The following SCEL variants were observed in gnomAD, a reference collection of about 807,000 sequenced individuals.
SCEL encodes the protein sciellin.
Under a neutral mutation model 117.6 loss-of-function variants are expected in SCEL, and 113 were observed. That is an observed-to-expected ratio of 0.96 (90% CI 0.83 to 1.12). The LOEUF is 1.12. Among genes scored for constraint, SCEL ranks in the 50% most tolerant of loss-of-function variants. The probability of loss-of-function intolerance (pLI) is 0.00; values close to 1 mark genes in which losing one functional copy is unlikely to be tolerated. For missense variants in SCEL, 785 were observed against 810.8 expected (o/e 0.97, Z 0.39); for synonymous variants, 270 against 256.2 (o/e 1.05, Z -0.51).
At chr13:77,549,415 A>G (rs1432499969) in intron 1 of SCEL, among the ~76,000 whole-genome samples, 3 of 152,230 alleles carry the variant, frequency 2.0e-5, no homozygotes, top group African/African-American at 4.8e-5. Context: ...ACACTACCCA[A>G]TGGTTACATG....
intron 12 of SCEL, among the ~76,000 whole-genome samples, chr13:77,595,972 G>T (rs962070109): frequency 1.3e-5 from 2 of 148,462 alleles, no homozygotes; most frequent in African/African-American, 5.0e-5. Context: ...CTTAGCAATT[G>T]CATCTCTCTC....
intron 1 of SCEL, among the ~76,000 whole-genome samples, chr13:77,536,313 C>T (rs551184898): frequency 4.6e-5 from 7 of 152,192 alleles, no homozygotes; most frequent in Admixed American, 1.3e-4. Context: ...AGTTGCTGAG[C>T]TATGAGAGAG....
chr13:77,638,603 C>A (rs1385864510), intron 30 of SCEL, among the ~76,000 whole-genome samples: 1 of 152,200 alleles, frequency 6.6e-6, no homozygotes, highest in African/African-American at 2.4e-5. Context: ...GAAGTCAGTT[C>A]TCCATGAGAC....
intron 20 of SCEL, 91 bp from the exon 21 acceptor site, chr13:77,608,967 T>G (rs1169738140): frequency 9.5e-7 from 1 of 1,050,760 alleles, no homozygotes; most frequent in East Asian, 2.7e-5. Context: ...GTAGTAAAAT[T>G]TATCTTGAGT....
chr13:77,637,848 T>G (rs747213475), intron 30 of SCEL, among the ~76,000 whole-genome samples: 5 of 152,206 alleles, frequency 3.3e-5, no homozygotes, highest in Non-Finnish European at 7.3e-5. Flanking sequence ...ATTGATTGAG[T>G]GCTGGTGAGC....
intron 28 of SCEL, among the ~76,000 whole-genome samples, chr13:77,631,001 C>T (rs1023510435): frequency 2.4e-4 from 36 of 152,148 alleles, no homozygotes; most frequent in Admixed American, 2.4e-3. Context: ...ATCAGAATCA[C>T]CTGCTATTCT....
intron 1 of SCEL, among the ~76,000 whole-genome samples, chr13:77,546,321 A>G (rs1222765920): frequency 1.3e-5 from 2 of 152,184 alleles, no homozygotes; most frequent in Non-Finnish European, 2.9e-5. Context: ...CACTTACTGA[A>G]AAGAGCTCTG....
chr13:77,639,757 A>G (rs1367755616), intron 30 of SCEL, among the ~76,000 whole-genome samples: 2 of 152,186 alleles, frequency 1.3e-5, no homozygotes, highest in African/African-American at 4.8e-5. Flanking sequence ...TGCACTTCAT[A>G]TATCATATAA....
At chr13:77,624,437 T>C (rs1251841775) in intron 27 of SCEL, among the ~76,000 whole-genome samples, 1 of 152,166 alleles carries the variant, frequency 6.6e-6, no homozygotes, top group African/African-American at 2.4e-5. Context: ...CCTCACTTTG[T>C]CTTCCCTCTG....
At chr13:77,605,637 T>C (rs2088105865) in intron 19 of SCEL, among the ~76,000 whole-genome samples, 1 of 152,188 alleles carries the variant, frequency 6.6e-6, no homozygotes, top group Non-Finnish European at 1.5e-5. Context: ...TATATTTTCA[T>C]CATAATTTAG....
At chr13:77,550,804 T>G (rs1262119533) in intron 1 of SCEL, among the ~76,000 whole-genome samples, 2 of 152,232 alleles carry the variant, frequency 1.3e-5, no homozygotes, top group African/African-American at 4.8e-5. Flanking sequence ...TTGGCTGTTA[T>G]GTGCTACCAT....
At chr13:77,583,446 C>G (rs1001935395) in intron 9 of SCEL, among the ~76,000 whole-genome samples, 5 of 152,204 alleles carry the variant, frequency 3.3e-5, no homozygotes, top group African/African-American at 1.2e-4. Context: ...ATTCTCCAAG[C>G]TCTTCGAAGG....
Position 77,567,864 on chromosome 13 carries a change from T to C in SCEL, c.359+116T>C, listed in dbSNP as rs960752078. The stretch of plus-strand genomic sequence containing the variant: ...TATCTTTCTGTAAATTCTTAGTCTC[T>C]ATCATTACTCCTGTTCATGGCTAGA... On this transcript the variant is annotated intron_variant, in intron 6 of 32. Coordinates refer to ENST00000349847, the MANE Select transcript of SCEL (RefSeq NM_144777.3). The C allele has an allele frequency of 1.6e-5, 11 of 668,178 alleles. No homozygotes were observed. The Admixed American group carries it at 2.9e-4, about 18-fold the overall frequency. The allele number at this position is 668,178 out of a possible 1,614,324, so 41.4% of individuals were successfully genotyped here.
rs1173952619 is a variant in SCEL at position 77,593,506 on chromosome 13, G to T, written c.693-8G>T. 1 of 1,608,002 alleles carries T rather than the reference G, an allele frequency of 6.2e-7. No individual in the cohort carries two copies. The highest frequency in any genetic ancestry group is 1.3e-5 in the African/African-American group (1 of 74,648). On this transcript the variant is annotated splice_region_variant and splice_polypyrimidine_tract_variant and intron_variant, in intron 11 of 32. Transcript: ENST00000349847. Reference sequence around the variant, plus strand: ...CATTGACCTGTATTTATTTTTCATTGTTTGAAGGAGTCAGGATCTTGATAA... The same window carrying T: ...CATTGACCTGTATTTATTTTTCATTTTTTGAAGGAGTCAGGATCTTGATAA...
intron 9 of SCEL, among the ~76,000 whole-genome samples, chr13:77,582,420 G>T (rs748794811): frequency 2.6e-5 from 4 of 152,058 alleles, no homozygotes; most frequent in African/African-American, 7.2e-5. Flanking sequence ...TAGAGACGGG[G>T]TTTCACCATG....
chr13:77,612,833 A>G, intron 22 of SCEL, 58 bp from the exon 23 acceptor site: 2 of 1,033,818 alleles, frequency 1.9e-6, no homozygotes, highest in Non-Finnish European at 1.4e-6. Context: ...AGGTTGAAAA[A>G]ATATACAAAT....
intron 11 of SCEL, 69 bp from the exon 12 acceptor site, chr13:77,593,445 G>A: frequency 2.5e-6 from 3 of 1,179,138 alleles, no homozygotes; most frequent in Non-Finnish European, 3.8e-6. Flanking sequence ...GAAAACAAAT[G>A]AGAAATTTTA....
intron 22 of SCEL, among the ~76,000 whole-genome samples, chr13:77,612,456 C>CTTTTTTTTTTTTTT (rs71102764): frequency 6.4e-5 from 6 of 93,544 alleles, no homozygotes; most frequent in Non-Finnish European, 1.1e-4. Flanking sequence ...TTTTTCTTTT[C>CTTTTTTTTTTTTTT]TTTTTTTTTT....
chr13:77,538,569 G>A (rs936518077), intron 1 of SCEL, among the ~76,000 whole-genome samples: 7 of 152,060 alleles, frequency 4.6e-5, no homozygotes, highest in East Asian at 1.9e-4. Flanking sequence ...ACAGCTACAC[G>A]TACTAGACTT....
Sources: allele counts gnomAD v4.1 joint callset (sites outside exome capture counted in the v4.1 genomes callset), GRCh38; gene constraint gnomAD v4.1.1; transcripts MANE v1.5; gene names NCBI Gene and HGNC (gene_info 2026-07-23, HGNC 2026-07-21).